The following PLCB4 variants were observed in gnomAD, a reference collection of about 807,000 sequenced individuals.
The protein encoded by PLCB4 is 1-phosphatidylinositol 4,5-bisphosphate phosphodiesterase beta-4.
PLCB4 carries 77 observed loss-of-function variants against 178.8 expected under a neutral mutation model. That is an observed-to-expected ratio of 0.43 (90% CI 0.36 to 0.52). The LOEUF is 0.52. PLCB4 is among the 20% of genes least tolerant of loss of function. PLCB4 has a pLI of 0.00. For synonymous variants in PLCB4, 496 were observed against 490.8 expected, an observed-to-expected ratio of 1.01 and a Z score of -0.14; for missense variants, 1,024 against 1,453.4, an observed-to-expected ratio of 0.70 and a Z score of 4.80.
intron 3 of PLCB4, among the ~76,000 whole-genome samples, chr20:9,252,087 T>C (rs2094187333): frequency 6.6e-6 from 1 of 152,226 alleles, no homozygotes; most frequent in South Asian, 2.1e-4. Context: ...ATTAAAAGTG[T>C]TCATAAACCT....
chr20:9,474,573 T>C (rs1603106105), intron 38 of PLCB4, among the ~76,000 whole-genome samples: 1 of 152,304 alleles, frequency 6.6e-6, no homozygotes, highest in Admixed American at 6.5e-5. Flanking sequence ...TTCTCCCATC[T>C]ATAAAACAAT....
intron 2 of PLCB4, among the ~76,000 whole-genome samples, chr20:9,171,228 A>G (rs1008007932): frequency 1.3e-5 from 2 of 152,222 alleles, no homozygotes; most frequent in African/African-American, 2.4e-5. Context: ...ATCATATGGT[A>G]GGCGCTCAGA....
At chr20:9,452,788 A>G (rs932182962) in intron 32 of PLCB4, among the ~76,000 whole-genome samples, 1 of 152,198 alleles carries the variant, frequency 6.6e-6, no homozygotes, top group Non-Finnish European at 1.5e-5. Context: ...GAAAATATTA[A>G]GTGATGTAGA....
rs187811952 is a variant in PLCB4, at chr20:9,297,852, A to C, written c.-15-9948A>C. Among the ~76,000 whole-genome samples, 179 of 152,246 alleles carry C rather than the reference A, an allele frequency of 1.2e-3. 1 individual carries two copies. The highest frequency in any genetic ancestry group is 4.0e-3 in the African/African-American group (166 of 41,572). Reference sequence around the variant, plus strand: ...ATGTCATTTCCAAGGGAATTGCTACAGGCAAACAACCAACATCCAAACAAT... The same window carrying C: ...ATGTCATTTCCAAGGGAATTGCTACCGGCAAACAACCAACATCCAAACAAT... On this transcript the variant is annotated intron_variant, in intron 3 of 39. Transcript: ENST00000378473.
chr20:9,387,580 G>A (rs1260016378), intron 15 of PLCB4, 24 bp downstream of exon 15: 1 of 1,122,488 alleles, frequency 8.9e-7, no homozygotes, highest in Non-Finnish European at 1.3e-6. Flanking sequence ...TAATTACACA[G>A]ACTTTTCCAA....
At chr20:9,402,959 T>A (rs1363597531) in intron 20 of PLCB4, among the ~76,000 whole-genome samples, 2 of 152,218 alleles carry the variant, frequency 1.3e-5, no homozygotes, top group African/African-American at 4.8e-5. Context: ...ATTTCCTAAC[T>A]GTCTAACTTT....
chr20:9,184,531 T>C (rs2093298814), intron 2 of PLCB4, among the ~76,000 whole-genome samples: 1 of 151,734 alleles, frequency 6.6e-6, no homozygotes, highest in African/African-American at 2.4e-5. Flanking sequence ...TCATAGGTTT[T>C]ATGTTGTTTT....
In PLCB4 at chr20:9,468,614, G is replaced by GA; in HGVS notation, c.3296dup (p.Asn1099LysfsTer2). On this transcript the variant is annotated frameshift_variant, in exon 36 of 40. Coordinates refer to ENST00000378473, the MANE Select transcript of PLCB4 (RefSeq NM_001377142.1). LOFTEE classifies it high-confidence loss of function. ...AGCACACCAGGCTAAGATTTCTATG[G>GA]AAAATAGCAAAGCCATCAGCCAAGA... 1 of 1,612,426 alleles carries GA rather than the reference G, an allele frequency of 6.2e-7. No individual in the cohort carries two copies. Among genetic ancestry groups the GA allele is most frequent in the Non-Finnish European group, 8.5e-7 (1 of 1,178,698 alleles).
intron 3 of PLCB4, among the ~76,000 whole-genome samples, chr20:9,245,103 A>T (rs978711533): frequency 6.6e-6 from 1 of 152,180 alleles, no homozygotes; most frequent in Non-Finnish European, 1.5e-5. Context: ...AGGCTAGCCC[A>T]GCCTGTTCAT....
intron 2 of PLCB4, among the ~76,000 whole-genome samples, chr20:9,124,211 A>G (rs2092050701): frequency 6.6e-6 from 1 of 152,198 alleles, no homozygotes; most frequent in Non-Finnish European, 1.5e-5. Flanking sequence ...AATCATTTAC[A>G]AAATTAAATC....
At chr20:9,203,659 C>A (rs1241496318) in intron 2 of PLCB4, among the ~76,000 whole-genome samples, 1 of 151,844 alleles carries the variant, frequency 6.6e-6, no homozygotes, top group Non-Finnish European at 1.5e-5. Context: ...GATAATTTTG[C>A]TGCTTTACAA....
At chr20:9,154,649 A>G (rs1449756404) in intron 2 of PLCB4, among the ~76,000 whole-genome samples, 3 of 152,084 alleles carry the variant, frequency 2.0e-5, no homozygotes, top group Non-Finnish European at 4.4e-5. Context: ...ACCATATACC[A>G]TGCACTGTAC....
Position 9,405,363 on chromosome 20 carries a change from C to A in PLCB4, c.1647+15C>A. 1 of 1,476,974 alleles carries A rather than the reference C, an allele frequency of 6.8e-7. No individual in the cohort carries two copies. The highest frequency in any genetic ancestry group is 9.3e-7 in the Non-Finnish European group (1 of 1,078,116). The allele number at this position is 1,476,974 out of a possible 1,614,324, so 91.5% of individuals were successfully genotyped here. A position where few individuals can be genotyped will look rare whatever the true frequency, so the allele number is the denominator to read the frequency against. ...ACAACAAAAAGGTAACAAAATAATT[C>A]CCTTGCACATTTTAAATCAGATGCA... is the stretch of plus-strand genomic sequence containing the variant. On this transcript the variant is annotated intron_variant, in intron 21 of 39. Coordinates refer to ENST00000378473, the MANE Select transcript of PLCB4 (RefSeq NM_001377142.1).
chr20:9,265,733 T>C (rs1429481655), intron 3 of PLCB4, among the ~76,000 whole-genome samples: 1 of 152,216 alleles, frequency 6.6e-6, no homozygotes, highest in Non-Finnish European at 1.5e-5. Context: ...TATTCTCTGA[T>C]GGTAAAAATC....
intron 4 of PLCB4, among the ~76,000 whole-genome samples, chr20:9,316,912 T>G (rs1316185819): frequency 9.2e-5 from 14 of 152,202 alleles, no homozygotes; most frequent in Admixed American, 9.2e-4. Context: ...CAGAGCTCAT[T>G]GTCATCCAAG....
intron 3 of PLCB4, among the ~76,000 whole-genome samples, chr20:9,240,718 G>A (rs2094050297): frequency 6.6e-6 from 1 of 151,800 alleles, no homozygotes; most frequent in African/African-American, 2.4e-5. Flanking sequence ...TTCTATTCTT[G>A]TTTGTTCTTG....
chr20:9,317,065 T>C (rs1217077499), intron 4 of PLCB4, among the ~76,000 whole-genome samples: 1 of 152,184 alleles, frequency 6.6e-6, no homozygotes, highest in East Asian at 1.9e-4. Flanking sequence ...GTTACAGCTA[T>C]TCAACTTTGT....
intron 22 of PLCB4, among the ~76,000 whole-genome samples, chr20:9,408,416 C>A (rs1016660456): frequency 2.6e-5 from 3 of 115,558 alleles, no homozygotes; most frequent in Non-Finnish European, 4.9e-5. Flanking sequence ...CCATCGTAAT[C>A]ATCATTATCA....
chr20:9,173,399 A>G (rs2093098182), intron 2 of PLCB4, among the ~76,000 whole-genome samples: 1 of 152,206 alleles, frequency 6.6e-6, no homozygotes, highest in Non-Finnish European at 1.5e-5. Flanking sequence ...GAGGAGACAC[A>G]CGCTCTCCAG....
Sources: gnomAD v4.1 joint callset for allele counts (sites outside exome capture counted in the v4.1 genomes callset) on GRCh38, gnomAD v4.1.1 for gene constraint, MANE v1.5 for transcripts, NCBI Gene and HGNC (gene_info 2026-07-23, HGNC 2026-07-21) for gene names.